Variants in DPP10 observed in about 807,000 individuals in gnomAD.
The protein encoded by DPP10 is inactive dipeptidyl peptidase 10.
A neutral mutation model predicts 120.9 loss-of-function variants in DPP10; 33 were observed. That is an observed-to-expected ratio of 0.27 (90% CI 0.21 to 0.37). The LOEUF (loss-of-function observed/expected upper bound fraction) is 0.37, where lower values mean the gene tolerates loss of function less well. Ranked by LOEUF, DPP10 falls within the 10% of genes least tolerant of loss-of-function variation. DPP10 has a pLI of 1.00. For synonymous variants in DPP10, 337 were observed against 326.1 expected (o/e 1.03, Z -0.36); for missense variants, 816 against 942.8 (o/e 0.87, Z 1.76).
intron 1 of DPP10, among the ~76,000 whole-genome samples, chr2:114,768,060 G>A (rs1224392575): frequency 1.3e-5 from 2 of 151,504 alleles, no homozygotes; most frequent in Non-Finnish European, 2.9e-5. Flanking sequence ...CCCAGGAGGT[G>A]GAGGTGGCAG....
At chr2:114,872,735 C>G (rs912832077) in intron 1 of DPP10, among the ~76,000 whole-genome samples, 2 of 152,146 alleles carry the variant, frequency 1.3e-5, no homozygotes, top group Admixed American at 6.5e-5. Context: ...ACAAGCTAAC[C>G]CTAGCCAAAA....
At chr2:114,480,005 A>G (rs1680876131) in intron 1 of DPP10, among the ~76,000 whole-genome samples, 2 of 152,226 alleles carry the variant, frequency 1.3e-5, no homozygotes, top group African/African-American at 4.8e-5. Flanking sequence ...AATGAACTCA[A>G]ACAAATTTAC....
chr2:114,733,607 G>A (rs1574066336), intron 1 of DPP10, among the ~76,000 whole-genome samples: 1 of 152,168 alleles, frequency 6.6e-6, no homozygotes, highest in African/African-American at 2.4e-5. Flanking sequence ...CCAGCCTCAG[G>A]AGGGACAGAT....
intron 5 of DPP10, among the ~76,000 whole-genome samples, chr2:115,561,586 A>C (rs931786570): frequency 1.1e-4 from 16 of 152,162 alleles, no homozygotes; most frequent in Non-Finnish European, 2.1e-4. Context: ...ATATATGAGA[A>C]GTATTTAAAT....
intron 1 of DPP10, among the ~76,000 whole-genome samples, chr2:115,228,082 C>T (rs12991531): frequency 0.067 from 10,218 of 151,838 alleles, 432 homozygotes; most frequent in East Asian, 0.2. Context: ...ACTATTATGC[C>T]TTGCTGATTT....
At chr2:115,271,156 A>C (rs1188937411) in intron 1 of DPP10, among the ~76,000 whole-genome samples, 1 of 152,256 alleles carries the variant, frequency 6.6e-6, no homozygotes, top group Admixed American at 6.5e-5. Context: ...CTACAGGCAC[A>C]TTCAATGTTC....
At chr2:115,410,922 TTTCA>T (rs1037878800) in intron 3 of DPP10, among the ~76,000 whole-genome samples, 13 of 152,246 alleles carry the variant, frequency 8.5e-5, no homozygotes, top group African/African-American at 3.1e-4. Context: ...CTAATTTGTC[TTTCA>T]TTTTTTAATG....
At chr2:114,982,294 T>G (rs1218385515) in intron 1 of DPP10, among the ~76,000 whole-genome samples, 1 of 152,260 alleles carries the variant, frequency 6.6e-6, no homozygotes, top group African/African-American at 2.4e-5. Context: ...CATTATGGAC[T>G]ATTAACATTT....
chr2:115,359,317 G>C (rs987428109), intron 3 of DPP10, among the ~76,000 whole-genome samples: 1 of 152,096 alleles, frequency 6.6e-6, no homozygotes, highest in South Asian at 2.1e-4. Flanking sequence ...TTGTAAGACT[G>C]TTTTGGTGAT....
chr2:115,195,067 T>G (rs1341014358), intron 1 of DPP10, among the ~76,000 whole-genome samples: 2 of 152,346 alleles, frequency 1.3e-5, no homozygotes, highest in Admixed American at 1.3e-4. Flanking sequence ...GCGCTCATGA[T>G]GATCACTGAC....
intron 5 of DPP10, among the ~76,000 whole-genome samples, chr2:115,672,587 T>A (rs540052370): frequency 6.6e-6 from 1 of 152,122 alleles, no homozygotes; most frequent in South Asian, 2.1e-4. Context: ...GATGCTTTCG[T>A]TTCCTTCCTT....
intron 5 of DPP10, among the ~76,000 whole-genome samples, chr2:115,687,118 A>G (rs925770708): frequency 2.2e-4 from 34 of 152,060 alleles, no homozygotes; most frequent in African/African-American, 8.0e-4. Flanking sequence ...CACAGGGTGA[A>G]TTTAGACCAG....
chr2:115,795,914 G>GCT (rs557093650), intron 19 of DPP10, among the ~76,000 whole-genome samples: 4 of 151,464 alleles, frequency 2.6e-5, no homozygotes, highest in East Asian at 1.9e-4. Context: ...ATTGCTTTTT[G>GCT]CTCTCTCTCT....
intron 1 of DPP10, among the ~76,000 whole-genome samples, chr2:114,941,099 A>G (rs1424750001): frequency 6.6e-6 from 1 of 152,234 alleles, no homozygotes; most frequent in African/African-American, 2.4e-5. Context: ...AGAAGGTTTA[A>G]TTGTAAAAGT....
rs1225936853 is a variant in DPP10 at position 115,502,606 on chromosome 2, C to G, written c.366+3002C>G. ...TACCGGCAGCTATAAATTGTTTTAT[C>G]AAATCACTTTTTGAAATTATAAGGG... On this transcript the variant is annotated intron_variant, in intron 4 of 25. Coordinates refer to ENST00000410059, the MANE Select transcript of DPP10 (RefSeq NM_020868.6). 1.2e-4 allele frequency among the ~76,000 whole-genome samples: 19 copies of G among 152,132 alleles called. 1 individual carries two copies. The highest frequency in any genetic ancestry group is 2.8e-4 in the Non-Finnish European group (19 of 68,014).
chr2:115,684,093 A>T (rs937979007), intron 5 of DPP10, among the ~76,000 whole-genome samples: 37 of 152,090 alleles, frequency 2.4e-4, no homozygotes, highest in African/African-American at 8.2e-4. Flanking sequence ...AACATTAAGT[A>T]AGAAATATTT....
chr2:115,385,845 T>C (rs965139967), intron 3 of DPP10, among the ~76,000 whole-genome samples: 1 of 152,226 alleles, frequency 6.6e-6, no homozygotes, highest in African/African-American at 2.4e-5. Context: ...GTGATTCTTA[T>C]CATGGGTGAG....
chr2:114,519,417 C>T (rs1032796391), intron 1 of DPP10, among the ~76,000 whole-genome samples: 4 of 152,204 alleles, frequency 2.6e-5, no homozygotes, highest in Admixed American at 6.5e-5. Context: ...ATCCTTTGGC[C>T]AGTGCCATTC....
chr2:115,739,941 A>G, intron 9 of DPP10, 48 bp downstream of exon 9: 1 of 1,588,712 alleles, frequency 6.3e-7, no homozygotes. Context: ...TCTCTGCACT[A>G]GTGACTTGAC....
Sources: allele counts gnomAD v4.1 joint callset (sites outside exome capture counted in the v4.1 genomes callset), GRCh38; gene constraint gnomAD v4.1.1; transcripts MANE v1.5; gene names NCBI Gene and HGNC (gene_info 2026-07-23, HGNC 2026-07-21).